SLC24A2: variants seen among roughly 807,000 people sequenced by gnomAD.
SLC24A2 encodes solute carrier family 24 member 2, also known as sodium/potassium/calcium exchanger 2.
Under a neutral mutation model 62.0 loss-of-function variants are expected in SLC24A2, and 36 were observed. The observed-to-expected ratio is 0.58, with a 90% CI of 0.44 to 0.77. The LOEUF (loss-of-function observed/expected upper bound fraction) is 0.77. SLC24A2 is among the 30% of genes least tolerant of loss of function. The pLI, the probability that SLC24A2 is intolerant of heterozygous loss-of-function variation, is 0.00. For synonymous variants in SLC24A2, 358 were observed against 294.0 expected (o/e 1.22, Z -2.23); for missense variants, 846 against 817.9 (o/e 1.03, Z -0.42).
chr9:19,749,539 T>C (rs1329074919), intron 2 of SLC24A2, among the ~76,000 whole-genome samples: 1 of 152,200 alleles, frequency 6.6e-6, no homozygotes, highest in Non-Finnish European at 1.5e-5. Context: ...ACTGCTTATT[T>C]CTTACTAGAA....
the SLC24A2 span, among the ~76,000 whole-genome samples, chr9:20,252,967 A>G: frequency 1.3e-5 from 2 of 152,174 alleles, no homozygotes; most frequent in Non-Finnish European, 2.9e-5. Flanking sequence ...TCATTAGTTA[A>G]TCTCATCAAC....
chr9:19,831,959 G>C, the SLC24A2 span, among the ~76,000 whole-genome samples: 11 of 152,278 alleles, frequency 7.2e-5, no homozygotes, highest in East Asian at 1.2e-3. Flanking sequence ...TAATGAAAAA[G>C]ATAGCATTGC....
chr9:19,895,225 TTTTG>T, the SLC24A2 span, among the ~76,000 whole-genome samples: 3 of 149,694 alleles, frequency 2.0e-5, no homozygotes, highest in African/African-American at 7.3e-5. Flanking sequence ...CCAAGGTTTA[TTTTG>T]TTTTTTTTTT....
At chr9:20,280,864 T>G in the SLC24A2 span, among the ~76,000 whole-genome samples, 2 of 152,096 alleles carry the variant, frequency 1.3e-5, no homozygotes, top group African/African-American at 4.8e-5. Context: ...GTGCAGACCA[T>G]GCAGCCAGAA....
the SLC24A2 span, among the ~76,000 whole-genome samples, chr9:20,039,592 G>C: frequency 6.6e-6 from 1 of 152,106 alleles, no homozygotes; most frequent in Admixed American, 6.5e-5. Flanking sequence ...CAAGTCCCCA[G>C]TTCCTGGGCT....
At chr9:19,751,298 CAGAG>C (rs1205008210) in intron 2 of SLC24A2, among the ~76,000 whole-genome samples, 1 of 152,144 alleles carries the variant, frequency 6.6e-6, no homozygotes, top group Non-Finnish European at 1.5e-5. Flanking sequence ...GTCCATATGA[CAGAG>C]AAAGAAAGCA....
the SLC24A2 span, chr9:19,967,888 A>G: frequency 6.6e-6 from 1 of 152,182 alleles, no homozygotes; most frequent in Non-Finnish European, 1.5e-5. Context: ...CTTGGACATT[A>G]TTTATTCAGC....
chr9:19,963,716 A>G, the SLC24A2 span, among the ~76,000 whole-genome samples: 3 of 152,052 alleles, frequency 2.0e-5, no homozygotes, highest in African/African-American at 7.2e-5. Flanking sequence ...AAGTCAGGAA[A>G]CAACAGCTGC....
In SLC24A2 at chr9:19,516,020, C is replaced by G; in HGVS notation, c.*133G>C. The G allele has an allele frequency of 8.8e-7, 1 of 1,132,024 alleles. No individual in the cohort carries two copies. Among genetic ancestry groups the G allele is most frequent in the Non-Finnish European group, 1.3e-6 (1 of 747,018 alleles). 70.1% of individuals were successfully genotyped at this position (1,132,024 alleles called of 1,614,324 possible). A position where few individuals can be genotyped will look rare whatever the true frequency, so the allele number is the denominator to read the frequency against. On this transcript the variant is annotated 3_prime_UTR_variant, in exon 11 of 11. Coordinates refer to ENST00000341998, the MANE Select transcript of SLC24A2 (RefSeq NM_020344.4). The stretch of plus-strand genomic sequence containing the variant: ...GGCCCAGTGTGAATCCATCTCTCCT[C>G]AAATTCACCAAGGAGGGACACTTGG...
At chr9:20,086,916 A>C in the SLC24A2 span, among the ~76,000 whole-genome samples, 8 of 152,136 alleles carry the variant, frequency 5.3e-5, no homozygotes, top group African/African-American at 1.9e-4. Flanking sequence ...TGAGTTTTTG[A>C]CACACAGGCC....
chr9:20,211,239 G>A, the SLC24A2 span, among the ~76,000 whole-genome samples: 10 of 152,228 alleles, frequency 6.6e-5, no homozygotes, highest in Admixed American at 6.5e-4. Flanking sequence ...CTGGCCGGGC[G>A]CGGTGGCTCA....
the SLC24A2 span, among the ~76,000 whole-genome samples, chr9:20,138,581 G>A: frequency 2.0e-5 from 3 of 152,074 alleles, no homozygotes; most frequent in African/African-American, 7.2e-5. Context: ...ATTTTTGTGG[G>A]CATTTACCTC....
At chr9:20,261,317 T>TG in the SLC24A2 span, among the ~76,000 whole-genome samples, 2,511 of 152,252 alleles carry the variant, frequency 0.016, 74 homozygotes, top group African/African-American at 0.057. Context: ...CTCATGGTTG[T>TG]GGAGGCTGGG....
chr9:20,187,876 A>G, the SLC24A2 span, among the ~76,000 whole-genome samples: 2 of 152,188 alleles, frequency 1.3e-5, no homozygotes, highest in Non-Finnish European at 2.9e-5. Context: ...GACCCACTGA[A>G]TCAAAATTTT....
chr9:19,811,431 T>C, the SLC24A2 span, among the ~76,000 whole-genome samples: 1 of 152,238 alleles, frequency 6.6e-6, no homozygotes, highest in Admixed American at 6.5e-5. Flanking sequence ...TTACATATAA[T>C]GTAATTACAG....
the SLC24A2 span, among the ~76,000 whole-genome samples, chr9:19,911,074 C>G: frequency 8.0e-5 from 9 of 113,118 alleles, no homozygotes; most frequent in Admixed American, 4.4e-4. Context: ...CCCCTCCCCC[C>G]ACCCCACAAC....
At chr9:19,531,692 A>ACCCCCCCCCCCC (rs141054914) in intron 8 of SLC24A2, among the ~76,000 whole-genome samples, 12 of 121,250 alleles carry the variant, frequency 9.9e-5, no homozygotes, top group Non-Finnish European at 1.7e-4. Flanking sequence ...TTTAACAAAG[A>ACCCCCCCCCCCC]CCCCCCCCCA....
chr9:19,831,211 C>A, the SLC24A2 span, among the ~76,000 whole-genome samples: 3 of 152,148 alleles, frequency 2.0e-5, no homozygotes, highest in East Asian at 3.9e-4. Flanking sequence ...CATCATCATT[C>A]CAAGCATAGC....
chr9:19,720,214 A>C lies in SLC24A2; in HGVS notation c.930+65723T>G, dbSNP rs750888808. Among the ~76,000 whole-genome samples, 24 of 152,200 alleles carry C rather than the reference A, an allele frequency of 1.6e-4. No homozygotes were observed. The South Asian group carries it at 5.0e-3, about 32-fold the overall frequency. On this transcript the variant is annotated intron_variant, in intron 2 of 10. Transcript: ENST00000341998. ...TTGCCTTTTTTCTATTAAAAATTTA[A>C]ATTTGTAATTTATTATTATCTTTAA...
Sources: gnomAD v4.1 joint callset for allele counts (sites outside exome capture counted in the v4.1 genomes callset) on GRCh38, gnomAD v4.1.1 for gene constraint, MANE v1.5 for transcripts, NCBI Gene and HGNC (gene_info 2026-07-23, HGNC 2026-07-21) for gene names.